Variants in VWC2L observed in about 807,000 individuals in gnomAD.
The protein encoded by VWC2L is von Willebrand factor C domain containing 2 like, also known as von Willebrand factor C domain-containing protein 2-like.
A neutral mutation model predicts 21.6 loss-of-function variants in VWC2L; 10 were observed. That is an observed-to-expected ratio of 0.46 (90% confidence interval 0.29 to 0.78). The LOEUF (loss-of-function observed/expected upper bound fraction) is 0.78, where lower values mean the gene tolerates loss of function less well. Ranked by LOEUF, VWC2L falls within the 30% of genes least tolerant of loss-of-function variation. The pLI, the probability that VWC2L is intolerant of heterozygous loss-of-function variation, is 0.10. For synonymous variants in VWC2L, 96 were observed against 94.3 expected, an observed-to-expected ratio of 1.02 and a Z score of -0.10; for missense variants, 209 against 277.1, an observed-to-expected ratio of 0.75 and a Z score of 1.74.
intron 3 of VWC2L, among the ~76,000 whole-genome samples, chr2:214,441,414 T>A (rs186775555): frequency 5.3e-5 from 8 of 152,098 alleles, no homozygotes; most frequent in African/African-American, 1.7e-4. Flanking sequence ...ATAAAAAATA[T>A]ATAATAATCA....
chr2:214,510,123 T>A (rs1165807790), intron 3 of VWC2L: 1 of 152,230 alleles, frequency 6.6e-6, no homozygotes, highest in Non-Finnish European at 1.5e-5. Context: ...AGCTTCATTA[T>A]GTTATTCTAT....
chr2:214,505,097 G>C (rs1236118488), intron 3 of VWC2L, among the ~76,000 whole-genome samples: 3 of 152,186 alleles, frequency 2.0e-5, no homozygotes, highest in African/African-American at 7.2e-5. Flanking sequence ...GGACAGTGTT[G>C]ATTTAATTGG....
At chr2:214,451,304 G>A (rs1553586367) in intron 3 of VWC2L, among the ~76,000 whole-genome samples, 1 of 93,428 alleles carries the variant, frequency 1.1e-5, no homozygotes, top group Non-Finnish European at 2.1e-5. Flanking sequence ...TAAGTGGGTC[G>A]GTGTGGGGGG....
chr2:214,522,920 T>C (rs947233368), intron 3 of VWC2L, among the ~76,000 whole-genome samples: 6 of 152,118 alleles, frequency 3.9e-5, no homozygotes, highest in Non-Finnish European at 8.8e-5. Context: ...GAGAGGAAAA[T>C]GTCCCAAAGC....
In VWC2L at chr2:214,420,536, T is replaced by A. The variant is rs866476455; in HGVS notation, c.390+5953T>A. On this transcript the variant is annotated intron_variant, in intron 2 of 3. Coordinates refer to ENST00000312504, the MANE Select transcript of VWC2L (RefSeq NM_001080500.4). Reference sequence around the variant, plus strand: ...AAAAGCACAGGAACTAAGTCAGATGTTTACACAAGGCAAAGGAGTACAAAA... The same window carrying A: ...AAAAGCACAGGAACTAAGTCAGATGATTACACAAGGCAAAGGAGTACAAAA... Among the ~76,000 whole-genome samples the A allele has an allele frequency of 9.9e-5, 15 of 152,280 alleles. No individual in the cohort carries two copies. In the Middle Eastern group the frequency reaches 0.014, roughly 138 times the overall value.
chr2:214,426,518 T>C (rs777389741), intron 2 of VWC2L, among the ~76,000 whole-genome samples: 4 of 152,216 alleles, frequency 2.6e-5, no homozygotes, highest in Non-Finnish European at 5.9e-5. Flanking sequence ...CCAATAATAG[T>C]TGGCAATTTC....
chr2:214,449,674 A>G (rs1218797455), intron 3 of VWC2L, among the ~76,000 whole-genome samples: 3 of 152,190 alleles, frequency 2.0e-5, no homozygotes, highest in African/African-American at 7.2e-5. Context: ...CTTCAAATCA[A>G]TCTATCAGAA....
At position 214,411,106 on chromosome 2, in the gene VWC2L, G is replaced by A. The variant is rs1164596911; in HGVS notation, c.-761G>A. 1 of 152,246 alleles carries A rather than the reference G, an allele frequency of 6.6e-6. No individual in the cohort carries two copies. Among genetic ancestry groups the A allele is most frequent in the Non-Finnish European group, 1.5e-5 (1 of 68,086 alleles). 9.4% of individuals were successfully genotyped at this position (152,246 alleles called of 1,614,324 possible). A position where few individuals can be genotyped will look rare whatever the true frequency, so the allele number is the denominator to read the frequency against. On this transcript the variant is annotated 5_prime_UTR_variant, in exon 1 of 4. Transcript: ENST00000312504. ...TCGACAGAGCTGGGCTCAGAAGCCAGTTGTTGGCGCTGTCCGTGGTGCTGA... is the reference window on the plus strand; with the variant it reads ...TCGACAGAGCTGGGCTCAGAAGCCAATTGTTGGCGCTGTCCGTGGTGCTGA...
At chr2:214,566,444 T>C (rs777427449) in intron 3 of VWC2L, among the ~76,000 whole-genome samples, 3 of 152,126 alleles carry the variant, frequency 2.0e-5, no homozygotes, top group African/African-American at 4.8e-5. Context: ...GCCAGAAAAC[T>C]CTCTAGAGCT....
chr2:214,504,676 T>C (rs1688943039), intron 3 of VWC2L, among the ~76,000 whole-genome samples: 1 of 152,210 alleles, frequency 6.6e-6, no homozygotes, highest in South Asian at 2.1e-4. Context: ...CAGCATGAAC[T>C]GGCATTAGTG....
intron 2 of VWC2L, among the ~76,000 whole-genome samples, chr2:214,435,936 T>G (rs1307526872): frequency 2.6e-5 from 4 of 152,198 alleles, no homozygotes; most frequent in Non-Finnish European, 5.9e-5. Flanking sequence ...TTTTTTTCTC[T>G]TAATTATCAT....
chr2:214,502,635 C>T (rs1394612064), intron 3 of VWC2L, among the ~76,000 whole-genome samples: 1 of 152,178 alleles, frequency 6.6e-6, no homozygotes, highest in African/African-American at 2.4e-5. Flanking sequence ...TTTCAACACT[C>T]TGAAATGATA....
chr2:214,470,124 C>A (rs570080989), intron 3 of VWC2L, among the ~76,000 whole-genome samples: 48 of 150,664 alleles, frequency 3.2e-4, no homozygotes, highest in African/African-American at 1.1e-3. Context: ...AGGTATGAAC[C>A]CATTACAGAA....
intron 3 of VWC2L, among the ~76,000 whole-genome samples, chr2:214,538,708 G>A (rs965651777): frequency 3.3e-5 from 5 of 151,582 alleles, no homozygotes; most frequent in African/African-American, 1.2e-4. Flanking sequence ...AGGAGAAGAT[G>A]TTCTAATGGA....
chr2:214,514,429 C>T (rs1375503041), intron 3 of VWC2L, among the ~76,000 whole-genome samples: 1 of 151,166 alleles, frequency 6.6e-6, no homozygotes, highest in African/African-American at 2.5e-5. Flanking sequence ...ATCTCCCTTT[C>T]CATTCATTTT....
At chr2:214,573,921 G>A (rs746748463) in intron 3 of VWC2L, among the ~76,000 whole-genome samples, 5 of 152,114 alleles carry the variant, frequency 3.3e-5, no homozygotes, top group Admixed American at 2.0e-4. Context: ...CAGGTGGATC[G>A]CCTGAGGTCA....
At chr2:214,426,178 A>C (rs1399983005) in intron 2 of VWC2L, among the ~76,000 whole-genome samples, 1 of 137,112 alleles carries the variant, frequency 7.3e-6, no homozygotes, top group Non-Finnish European at 1.5e-5. Flanking sequence ...TCTCAAAAAA[A>C]AAAAAAAAAA....
chr2:214,573,892 G>C (rs1690189561), intron 3 of VWC2L, among the ~76,000 whole-genome samples: 1 of 152,218 alleles, frequency 6.6e-6, no homozygotes, highest in African/African-American at 2.4e-5. Context: ...TGTAATCCCA[G>C]CACTTTGGTA....
At chr2:214,534,878 A>G (rs1011139114) in intron 3 of VWC2L, among the ~76,000 whole-genome samples, 1 of 152,076 alleles carries the variant, frequency 6.6e-6, no homozygotes, top group African/African-American at 2.4e-5. Flanking sequence ...GTGTTCTTGT[A>G]ACTAGTGTTA....
Sources: allele counts gnomAD v4.1 joint callset (sites outside exome capture counted in the v4.1 genomes callset), GRCh38; gene constraint gnomAD v4.1.1; transcripts MANE v1.5; gene names NCBI Gene and HGNC (gene_info 2026-07-23, HGNC 2026-07-21).